Variants in CEP128 observed in about 807,000 individuals in gnomAD.
CEP128 encodes the protein centrosomal protein 128.
In CEP128, 132 loss-of-function variants were observed where a neutral mutation model predicts 156.7. The observed-to-expected ratio is 0.84, with a 90% CI of 0.73 to 0.97. The LOEUF (loss-of-function observed/expected upper bound fraction) is 0.97, where lower values mean the gene tolerates loss of function less well. CEP128 is among the 50% of genes least tolerant of loss of function. The probability of loss-of-function intolerance (pLI) is 0.00; values close to 1 mark genes in which losing one functional copy is unlikely to be tolerated. For missense variants in CEP128, 1,252 were observed against 1,281.9 expected, an observed-to-expected ratio of 0.98 and a Z score of 0.36; for synonymous variants, 469 against 448.9, an observed-to-expected ratio of 1.04 and a Z score of -0.57.
chr14:80,569,532 T>C (rs1891051206), intron 20 of CEP128, among the ~76,000 whole-genome samples: 1 of 152,224 alleles, frequency 6.6e-6, no homozygotes. Flanking sequence ...AGTGTGGTTG[T>C]AGGAGTTCAG....
rs530091256 is a variant in CEP128 at position 80,780,576 on chromosome 14, C to A, written c.2212-2530G>T. On this transcript the variant is annotated intron_variant, in intron 15 of 24. Transcript: ENST00000555265. ...AAGTCCAAAGGTTTCAGAAGATCCG[C>A]AGAATGCTTATAAATTCTAAATTCT... 3.5e-3 allele frequency among the ~76,000 whole-genome samples: 533 copies of A among 152,172 alleles called. 7 individuals are homozygous for A. Among genetic ancestry groups the A allele is most frequent in the African/African-American group, 0.012 (516 of 41,534 alleles).
chr14:80,550,223 A>T (rs1039363582), intron 21 of CEP128, among the ~76,000 whole-genome samples: 1 of 152,172 alleles, frequency 6.6e-6, no homozygotes, highest in Admixed American at 6.6e-5. Context: ...AATAAGGGAG[A>T]TAAGATTTTT....
At chr14:80,857,503 T>C (rs926108128) in intron 9 of CEP128, among the ~76,000 whole-genome samples, 2 of 151,782 alleles carry the variant, frequency 1.3e-5, no homozygotes, top group Non-Finnish European at 2.9e-5. Flanking sequence ...GAGGCCAAGG[T>C]GGGCAAATCA....
At chr14:80,611,735 A>G (rs960066585) in intron 19 of CEP128, among the ~76,000 whole-genome samples, 30 of 152,336 alleles carry the variant, frequency 2.0e-4, no homozygotes, top group African/African-American at 6.7e-4. Flanking sequence ...AACATGTTAA[A>G]CATAAGAGAA....
intron 21 of CEP128, among the ~76,000 whole-genome samples, chr14:80,533,637 A>G (rs563600456): frequency 5.5e-4 from 84 of 151,964 alleles, no homozygotes; most frequent in African/African-American, 2.0e-3. Context: ...TTCTTTTCTC[A>G]GTGCAGTTAT....
chr14:80,745,850 A>T (rs1002669836), intron 18 of CEP128, among the ~76,000 whole-genome samples: 3 of 152,080 alleles, frequency 2.0e-5, no homozygotes, highest in African/African-American at 7.2e-5. Flanking sequence ...TATGTGCAGG[A>T]AAATCCTAGT....
Position 80,524,984 on chromosome 14 carries a change from G to A in CEP128, c.3072+1885C>T, listed in dbSNP as rs542200030. Among the ~76,000 whole-genome samples, 178 of 152,248 alleles carry A rather than the reference G, an allele frequency of 1.2e-3. 1 individual carries two copies. The highest frequency in any genetic ancestry group is 4.1e-3 in the African/African-American group (171 of 41,568). ...TCCGATGAGATTACTTGCTGAACAC[G>A]TTAAACATTCATAGCTTTGCCATAT... On this transcript the variant is annotated intron_variant, in intron 23 of 24. Transcript: ENST00000555265.
chr14:80,887,268 C>G (rs1369051969), intron 8 of CEP128, among the ~76,000 whole-genome samples: 1 of 152,136 alleles, frequency 6.6e-6, no homozygotes, highest in Non-Finnish European at 1.5e-5. Context: ...CAGCTCTGGA[C>G]CAAGTAGACC....
intron 19 of CEP128, among the ~76,000 whole-genome samples, chr14:80,582,631 G>A (rs1015507720): frequency 1.1e-4 from 17 of 151,920 alleles, no homozygotes; most frequent in Non-Finnish European, 2.2e-4. Context: ...CAAAAGGATT[G>A]GACTAAGAAT....
At chr14:80,853,746 A>G (rs901590540) in intron 9 of CEP128, among the ~76,000 whole-genome samples, 3 of 152,034 alleles carry the variant, frequency 2.0e-5, no homozygotes, top group Non-Finnish European at 1.5e-5. Flanking sequence ...TTACCAAAAG[A>G]TAATAAAACC....
chr14:80,901,387 G>A (rs1299430078), intron 6 of CEP128, among the ~76,000 whole-genome samples: 1 of 152,140 alleles, frequency 6.6e-6, no homozygotes, highest in African/African-American at 2.4e-5. Flanking sequence ...ACAACAAATT[G>A]ATTCATTTCA....
chr14:80,775,282 T>G (rs932086149), intron 16 of CEP128, among the ~76,000 whole-genome samples: 2 of 152,198 alleles, frequency 1.3e-5, no homozygotes, highest in African/African-American at 4.8e-5. Flanking sequence ...CGCATAATCA[T>G]TATTGCTATA....
rs535591263 is a variant in CEP128 at position 80,666,217 on chromosome 14, G to A, written c.2806+76858C>T. On this transcript the variant is annotated intron_variant, in intron 19 of 24. Coordinates refer to ENST00000555265, the MANE Select transcript of CEP128 (RefSeq NM_152446.5). ...CAATAGTATGAAAAGAATAAAGAAG[G>A]ACAAGCATAGATTAGATATCCAAAT... Among the ~76,000 whole-genome samples, 314 of 152,244 alleles carry A rather than the reference G, an allele frequency of 2.1e-3. 3 individuals are homozygous for A. The highest frequency in any genetic ancestry group is 7.1e-3 in the African/African-American group (294 of 41,542).
intron 20 of CEP128, among the ~76,000 whole-genome samples, chr14:80,570,072 G>A (rs1891073600): frequency 6.6e-6 from 1 of 152,136 alleles, no homozygotes. Context: ...ACTATTTATT[G>A]TAAGTTTAAT....
chr14:80,555,956 T>C (rs1407244193), intron 21 of CEP128, among the ~76,000 whole-genome samples: 2 of 152,154 alleles, frequency 1.3e-5, no homozygotes, highest in Admixed American at 6.5e-5. Context: ...TCTTCTTTAC[T>C]CAAATAGAGT....
chr14:80,785,191 C>G lies in CEP128; in HGVS notation c.1915G>C (p.Asp639His), dbSNP rs1218080566. 1.2e-6 allele frequency: 2 copies of G among 1,614,084 alleles called. No homozygotes were observed. Residue 639 changes from aspartate (D) to histidine (H), a missense_variant, in exon 15 of 25, where the codon GAC becomes CAC. Transcript: ENST00000555265. The stretch of plus-strand genomic sequence containing the variant: ...AGATCTGCTCGGATGGCACTCAGGT[C>G]CTTGATGGACTCTTGCATCTCAAGA... The part of the protein sequence containing the change: ...KLLEMQESIK[D>H]LSAIRADLAN...
At chr14:80,943,481 A>G (rs149290973), upstream of CEP128, among the ~76,000 whole-genome samples, 369 of 152,334 alleles carry the variant, frequency 2.4e-3, 1 homozygote, top group African/African-American at 8.6e-3. Context: ...GTTCAACCAT[A>G]TTTAGAGAAT....
chr14:80,822,008 T>A (rs1885215046), intron 13 of CEP128, among the ~76,000 whole-genome samples: 1 of 152,180 alleles, frequency 6.6e-6, no homozygotes, highest in South Asian at 2.1e-4. Flanking sequence ...GACTTATTCA[T>A]GATCATGAGA....
Position 80,936,788 on chromosome 14 carries a change from AT to A in CEP128, c.-16+2596del, listed in dbSNP as rs1287749219. 9.2e-5 allele frequency among the ~76,000 whole-genome samples: 14 copies of A among 152,300 alleles called. No individual in the cohort carries two copies. The East Asian group carries it at 2.5e-3, about 27-fold the overall frequency. On this transcript the variant is annotated intron_variant, in intron 2 of 24. Transcript: ENST00000555265. ...ATGACCCTAACAAATGTTATTTGTT[AT>A]TTCACTAAATAATTACAAATTAAAA...
Sources: gnomAD v4.1 joint callset for allele counts (sites outside exome capture counted in the v4.1 genomes callset) on GRCh38, gnomAD v4.1.1 for gene constraint, MANE v1.5 for transcripts, NCBI Gene and HGNC (gene_info 2026-07-23, HGNC 2026-07-21) for gene names.